CXCL13: variants seen among roughly 807,000 people sequenced by gnomAD.
CXCL13 encodes the protein C-X-C motif chemokine 13.
In CXCL13, 7 loss-of-function variants were observed where a neutral mutation model predicts 12.2. That is an observed-to-expected ratio of 0.57 (90% CI 0.33 to 1.07). The LOEUF (loss-of-function observed/expected upper bound fraction) is 1.07, where lower values mean the gene tolerates loss of function less well. CXCL13 is among the 50% of genes least tolerant of loss of function. CXCL13 has a pLI of 0.04. For synonymous variants in CXCL13, 47 were observed against 42.4 expected (o/e 1.11, Z -0.42); for missense variants, 113 against 127.4 (o/e 0.89, Z 0.55).
chr4:77,559,717 T>C (rs982234344), intron 1 of CXCL13, among the ~76,000 whole-genome samples: 2 of 151,940 alleles, frequency 1.3e-5, no homozygotes, highest in African/African-American at 4.8e-5. Flanking sequence ...GGTCAGGAGA[T>C]CGAGACCACC....
At chr4:77,604,945 T>A (rs905721992), upstream of CXCL13, among the ~76,000 whole-genome samples, 7 of 152,210 alleles carry the variant, frequency 4.6e-5, no homozygotes, top group African/African-American at 1.7e-4. Flanking sequence ...CATACTTTTT[T>A]TTTAATCAAA....
At chr4:77,584,109 G>A (rs1284776923) in intron 1 of CXCL13, among the ~76,000 whole-genome samples, 1 of 152,168 alleles carries the variant, frequency 6.6e-6, no homozygotes, top group Non-Finnish European at 1.5e-5. Context: ...ATTGATTTAG[G>A]ACATTGCATT....
At chr4:77,522,861 C>A (rs1007641614) in intron 1 of CXCL13, among the ~76,000 whole-genome samples, 1 of 152,026 alleles carries the variant, frequency 6.6e-6, no homozygotes, top group South Asian at 2.1e-4. Context: ...TGTTTCTTTA[C>A]ATGTTTAGTG....
chr4:77,527,361 A>C (rs754650553), intron 1 of CXCL13, among the ~76,000 whole-genome samples: 14 of 152,214 alleles, frequency 9.2e-5, no homozygotes, highest in Non-Finnish European at 1.9e-4. Context: ...AACTGGGCAC[A>C]GTGACTCATG....
At chr4:77,527,451 G>A (rs750087349) in intron 1 of CXCL13, among the ~76,000 whole-genome samples, 3 of 152,134 alleles carry the variant, frequency 2.0e-5, no homozygotes, top group South Asian at 2.1e-4. Flanking sequence ...GGGCAACATG[G>A]TGAAACCCCA....
chr4:77,548,745 T>C (rs1936271273), intron 1 of CXCL13, among the ~76,000 whole-genome samples: 1 of 152,222 alleles, frequency 6.6e-6, no homozygotes, highest in Non-Finnish European at 1.5e-5. Context: ...TAACCCGACC[T>C]TTCTCTCTGG....
chr4:77,568,639 G>T (rs369146656), intron 1 of CXCL13, among the ~76,000 whole-genome samples: 8 of 152,134 alleles, frequency 5.3e-5, no homozygotes, highest in African/African-American at 1.9e-4. Flanking sequence ...TCTGGTGTTT[G>T]CTGTTGGCCA....
At position 77,611,180 on chromosome 4, in the gene CXCL13, A is replaced by G. The variant is rs931084103; in HGVS notation, c.*141A>G. 5.7e-6 allele frequency: 4 copies of G among 699,262 alleles called. No homozygotes were observed. Among genetic ancestry groups the G allele is most frequent in the Non-Finnish European group, 9.6e-6 (4 of 417,144 alleles). 43.3% of individuals were successfully genotyped at this position (699,262 alleles called of 1,614,324 possible). ...TGAGACTATGTAAAAATAACCTTGC[A>G]GAAGCTGATGGGGCAAACTCAAGCT... On this transcript the variant is annotated 3_prime_UTR_variant, in exon 4 of 4. Coordinates refer to ENST00000682537, the MANE Select transcript of CXCL13 (RefSeq NM_001371558.1).
rs192813239 is a variant in CXCL13, at chr4:77,611,392, T to A, written c.*353T>A. On this transcript the variant is annotated 3_prime_UTR_variant, in exon 4 of 4. Transcript: ENST00000682537. ...AGAATTTAAGCCTCAAATTTGAACA[T>A]GTGGCTTGAATTAAGAAGAAAATTA... is the stretch of plus-strand genomic sequence containing the variant. 571 of 362,512 alleles carry A rather than the reference T, an allele frequency of 1.6e-3. 9 individuals carry two copies. In the Admixed American group the frequency reaches 0.019, roughly 12 times the overall value. The allele number at this position is 362,512 out of a possible 1,614,324, so 22.5% of individuals were successfully genotyped here. A position where few individuals can be genotyped will look rare whatever the true frequency, so the allele number is the denominator to read the frequency against.
upstream of CXCL13, chr4:77,605,699 G>T: frequency 2.4e-6 from 1 of 414,152 alleles, no homozygotes; most frequent in Non-Finnish European, 4.4e-6. Context: ...TTTTAAAAAA[G>T]CAAGCTCAGC....
At chr4:77,567,350 T>C (rs548370908) in intron 1 of CXCL13, among the ~76,000 whole-genome samples, 1 of 152,340 alleles carries the variant, frequency 6.6e-6, no homozygotes, top group South Asian at 2.1e-4. Flanking sequence ...TGGTGGTCTC[T>C]TCACATGGAC....
In CXCL13 at chr4:77,611,130, A is replaced by G. The variant is rs1378104729; in HGVS notation, c.*91A>G. The G allele has an allele frequency of 8.2e-6, 9 of 1,093,840 alleles. No individual in the cohort carries two copies. The highest frequency in any genetic ancestry group is 1.6e-5 in the African/African-American group (1 of 63,556). The allele number at this position is 1,093,840 out of a possible 1,614,324, so 67.8% of individuals were successfully genotyped here. On this transcript the variant is annotated 3_prime_UTR_variant, in exon 4 of 4. Transcript: ENST00000682537. ...GCTTAGTTAAATCTTTTCCAGGAAA[A>G]AGAACTTCCCCATACAAATAAGCAT... is the stretch of plus-strand genomic sequence containing the variant.
intron 1 of CXCL13, among the ~76,000 whole-genome samples, chr4:77,533,558 G>T (rs1198141584): frequency 2.0e-5 from 3 of 152,164 alleles, no homozygotes; most frequent in African/African-American, 7.2e-5. Flanking sequence ...CTGTCTTCAA[G>T]GCTATCAGAC....
At chr4:77,543,047 A>G (rs1725246446) in intron 1 of CXCL13, among the ~76,000 whole-genome samples, 1 of 152,054 alleles carries the variant, frequency 6.6e-6, no homozygotes, top group Non-Finnish European at 1.5e-5. Flanking sequence ...GGAACTCAAT[A>G]TTAGTCTGTT....
rs190752784 is a variant in CXCL13 at position 77,528,142 on chromosome 4, G to C, written c.-43+16354G>C. Among the ~76,000 whole-genome samples, 323 of 152,284 alleles carry C rather than the reference G, an allele frequency of 2.1e-3. 2 individuals carry two copies. The highest frequency in any genetic ancestry group is 7.5e-3 in the African/African-American group (311 of 41,564). ...TTTCATGGCTGCATAGTATTCCATGGTGTATATGTGCCACATTTTCTTAAT... is the reference window on the plus strand; with the variant it reads ...TTTCATGGCTGCATAGTATTCCATGCTGTATATGTGCCACATTTTCTTAAT... On this transcript the variant is annotated intron_variant, in intron 1 of 4. Transcript: ENST00000286758.
intron 1 of CXCL13, among the ~76,000 whole-genome samples, chr4:77,554,128 T>C (rs1338361371): frequency 2.0e-5 from 3 of 152,184 alleles, no homozygotes; most frequent in Non-Finnish European, 4.4e-5. Context: ...GATTTACTCA[T>C]GAAGTTATTC....
chr4:77,525,888 G>A (rs1282235390), intron 1 of CXCL13, among the ~76,000 whole-genome samples: 3 of 150,394 alleles, frequency 2.0e-5, no homozygotes, highest in Admixed American at 1.3e-4. Context: ...AAACTTTTAG[G>A]CAAAGGTAGG....
chr4:77,559,606 T>C (rs1039949907), intron 1 of CXCL13, among the ~76,000 whole-genome samples: 1 of 151,988 alleles, frequency 6.6e-6, no homozygotes, highest in Non-Finnish European at 1.5e-5. Context: ...TGTGTGTGTG[T>C]GTGTGATTGA....
At chr4:77,570,725 G>C (rs1215453004) in intron 1 of CXCL13, among the ~76,000 whole-genome samples, 3 of 152,220 alleles carry the variant, frequency 2.0e-5, no homozygotes, top group African/African-American at 7.2e-5. Flanking sequence ...TGGAGTTCTG[G>C]GTGGGCGTGG....
Sources: allele counts gnomAD v4.1 joint callset (sites outside exome capture counted in the v4.1 genomes callset), GRCh38; gene constraint gnomAD v4.1.1; transcripts MANE v1.5; gene names NCBI Gene and HGNC (gene_info 2026-07-23, HGNC 2026-07-21).